ZCWPW2: variants seen among roughly 807,000 people sequenced by gnomAD.
ZCWPW2 encodes the protein zinc finger CW-type PWWP domain protein 2.
ZCWPW2 carries 45 observed loss-of-function variants against 46.6 expected under a neutral mutation model. The observed-to-expected ratio is 0.96, with a 90% confidence interval of 0.76 to 1.24. The LOEUF (loss-of-function observed/expected upper bound fraction) is 1.24, where lower values mean the gene tolerates loss of function less well. Among genes scored for constraint, ZCWPW2 ranks in the 50% most tolerant of loss-of-function variants. The pLI, the probability that ZCWPW2 is intolerant of heterozygous loss-of-function variation, is 0.00. For synonymous variants in ZCWPW2, 152 were observed against 137.1 expected (o/e 1.11, Z -0.76); for missense variants, 429 against 403.9 (o/e 1.06, Z -0.53).
intron 4 of ZCWPW2, among the ~76,000 whole-genome samples, chr3:28,478,585 A>G (rs77110845): frequency 6.6e-6 from 1 of 152,148 alleles, no homozygotes; most frequent in Non-Finnish European, 1.5e-5. Context: ...TAACATTATC[A>G]TGATTATCTT....
At position 28,449,411 on chromosome 3, in the gene ZCWPW2, A is replaced by C. The variant is rs1004126998; in HGVS notation, c.492+14142A>C. Among the ~76,000 whole-genome samples, 40 of 152,238 alleles carry C rather than the reference A, an allele frequency of 2.6e-4. 1 individual carries two copies. The highest frequency in any genetic ancestry group is 9.6e-4 in the African/African-American group (40 of 41,466). On this transcript the variant is annotated intron_variant, in intron 4 of 9. Transcript: ENST00000383768. ...ACCTTGAGGATATTATGATAAGTGAAATAATGCAATCACAAAATGACAAAT... is the reference window on the plus strand; with the variant it reads ...ACCTTGAGGATATTATGATAAGTGACATAATGCAATCACAAAATGACAAAT...
intron 2 of ZCWPW2, among the ~76,000 whole-genome samples, chr3:28,396,935 C>T (rs1312707024): frequency 6.6e-6 from 1 of 152,104 alleles, no homozygotes; most frequent in African/African-American, 2.4e-5. Context: ...TTGAGACCAG[C>T]CTGGCCAACA....
chr3:28,365,668 C>T lies in ZCWPW2; in HGVS notation c.-134+16465C>T, dbSNP rs1471889595. 6.4e-5 allele frequency among the ~76,000 whole-genome samples: 9 copies of T among 140,506 alleles called. 2 individuals carry two copies. Among genetic ancestry groups the T allele is most frequent in the African/African-American group, 1.3e-4 (5 of 39,440 alleles). The allele number at this position is 140,506 out of a possible 152,430, so 92.2% of individuals were successfully genotyped here. On this transcript the variant is annotated intron_variant, in intron 1 of 9. Transcript: ENST00000383768. ...TCCATATGAACTTTAAAGTAGTTTT[C>T]TCCAATTCTGTGAAGAAAGTCATTG...
chr3:28,512,762 T>A (rs1432884365), intron 6 of ZCWPW2, among the ~76,000 whole-genome samples: 1 of 152,128 alleles, frequency 6.6e-6, no homozygotes, highest in African/African-American at 2.4e-5. Context: ...GACTTGACTT[T>A]TTTTTTTGAT....
intron 1 of ZCWPW2, among the ~76,000 whole-genome samples, chr3:28,369,575 G>A (rs915410837): frequency 1.3e-5 from 2 of 152,156 alleles, no homozygotes; most frequent in African/African-American, 2.4e-5. Context: ...CTACTGGGAG[G>A]TGCCTCCCAG....
intron 4 of ZCWPW2, among the ~76,000 whole-genome samples, chr3:28,436,755 C>T (rs1418532074): frequency 2.0e-5 from 3 of 152,126 alleles, no homozygotes; most frequent in Admixed American, 6.5e-5. Flanking sequence ...CATCGTTATA[C>T]GAGGCATCTT....
In ZCWPW2 at chr3:28,390,488, A is replaced by C. The variant is rs1439049441; in HGVS notation, c.-133-10A>C. The C allele has an allele frequency of 7.1e-5, 70 of 985,148 alleles. No individual in the cohort carries two copies. Among genetic ancestry groups the C allele is most frequent in the Non-Finnish European group, 8.1e-5 (67 of 829,860 alleles). 61.0% of individuals were successfully genotyped at this position (985,148 alleles called of 1,614,324 possible). A position where few individuals can be genotyped will look rare whatever the true frequency, so the allele number is the denominator to read the frequency against. ...TTTAAATTTGCTAGATTGATGTATA[A>C]CTTCTTCAGATTCATCCCAGTAGAA... On this transcript the variant is annotated splice_polypyrimidine_tract_variant and intron_variant, in intron 1 of 9. Coordinates refer to ENST00000383768, the MANE Select transcript of ZCWPW2 (RefSeq NM_001040432.4).
At chr3:28,351,274 A>G (rs1460791222) in intron 1 of ZCWPW2, among the ~76,000 whole-genome samples, 2 of 149,600 alleles carry the variant, frequency 1.3e-5, no homozygotes, top group Non-Finnish European at 3.0e-5. Context: ...ACATATATAT[A>G]TTACAAAAGC....
In ZCWPW2 at chr3:28,413,146, A is replaced by T; in HGVS notation, c.78A>T (p.Val26=). The change falls in exon 3 of 10, where the codon GTA becomes GTT. Residue 26 remains valine (V), a synonymous_variant. Transcript: ENST00000383768. ...AMDSSVENMY[V]NKVWVQCENE... is the part of the protein sequence containing the mutation. ...ATTCCTCAGTGGAAAACATGTATGT[A>T]AACAAAGTGTGGGTTCAATGTGAGA... 1.2e-6 allele frequency: 2 copies of T among 1,613,272 alleles called. No homozygotes were observed. Among genetic ancestry groups the T allele is most frequent in the Non-Finnish European group, 1.7e-6 (2 of 1,179,480 alleles).
chr3:28,460,847 G>A (rs757951812), intron 4 of ZCWPW2: 8 of 165,762 alleles, frequency 4.8e-5, no homozygotes, highest in Non-Finnish European at 9.5e-5. Flanking sequence ...AACTTTGAAT[G>A]TATAAATAGC....
At chr3:28,485,303 T>A (rs1032414106) in intron 5 of ZCWPW2, among the ~76,000 whole-genome samples, 2 of 152,148 alleles carry the variant, frequency 1.3e-5, no homozygotes, top group Non-Finnish European at 2.9e-5. Context: ...TGTTAAGGTA[T>A]TTTTTATGGC....
At chr3:28,380,165 T>A (rs1339323698) in intron 1 of ZCWPW2, among the ~76,000 whole-genome samples, 3 of 152,024 alleles carry the variant, frequency 2.0e-5, no homozygotes, top group Middle Eastern at 3.4e-3. Context: ...TGTATTTTTT[T>A]AGTAGACACG....
chr3:28,518,251 T>C (rs1206761717), intron 8 of ZCWPW2, among the ~76,000 whole-genome samples: 1 of 150,952 alleles, frequency 6.6e-6, no homozygotes, highest in Non-Finnish European at 1.5e-5. Context: ...GTGGCCGTAA[T>C]GCTACCACTT....
At chr3:28,357,105 T>C (rs1260367270) in intron 1 of ZCWPW2, among the ~76,000 whole-genome samples, 1 of 152,090 alleles carries the variant, frequency 6.6e-6, no homozygotes. Flanking sequence ...CTACTTAAAA[T>C]GGGAAGAGAA....
intron 2 of ZCWPW2, among the ~76,000 whole-genome samples, chr3:28,408,988 A>G (rs1188138815): frequency 6.6e-6 from 1 of 152,180 alleles, no homozygotes; most frequent in African/African-American, 2.4e-5. Flanking sequence ...CCAATTACTA[A>G]AAGATGAAGA....
chr3:28,409,122 C>CTTTTTTTTT (rs11328735), intron 2 of ZCWPW2, among the ~76,000 whole-genome samples: 4 of 82,328 alleles, frequency 4.9e-5, no homozygotes, highest in African/African-American at 5.1e-5. Context: ...TTTTCTTTTT[C>CTTTTTTTTT]TTTTTTTTTT....
intron 1 of ZCWPW2, among the ~76,000 whole-genome samples, chr3:28,358,968 G>C (rs183625844): frequency 6.6e-6 from 1 of 152,134 alleles, no homozygotes; most frequent in East Asian, 1.9e-4. Flanking sequence ...TAGATAACAA[G>C]TTTAAAGATC....
chr3:28,404,567 C>T (rs1659525015), intron 2 of ZCWPW2, among the ~76,000 whole-genome samples: 1 of 152,042 alleles, frequency 6.6e-6, no homozygotes, highest in African/African-American at 2.4e-5. Flanking sequence ...AAAAATGTAC[C>T]TGCACATTCA....
At chr3:28,425,679 A>G (rs1388375621) in intron 3 of ZCWPW2, among the ~76,000 whole-genome samples, 1 of 152,244 alleles carries the variant, frequency 6.6e-6, no homozygotes, top group Non-Finnish European at 1.5e-5. Context: ...ACTGCTTTAT[A>G]TCTATATAAT....
Sources: allele counts gnomAD v4.1 joint callset (sites outside exome capture counted in the v4.1 genomes callset), GRCh38; gene constraint gnomAD v4.1.1; transcripts MANE v1.5; gene names NCBI Gene and HGNC (gene_info 2026-07-23, HGNC 2026-07-21).